The following DCLK2 variants were observed in gnomAD, a reference collection of about 807,000 sequenced individuals.
DCLK2 encodes doublecortin like kinase 2.
DCLK2 carries 31 observed loss-of-function variants against 78.4 expected under a neutral mutation model. The ratio of observed to expected loss-of-function variants is 0.40; its 90% CI spans 0.30 to 0.53. The LOEUF (loss-of-function observed/expected upper bound fraction) is 0.53, where lower values mean the gene tolerates loss of function less well. Among genes scored for constraint, DCLK2 ranks in the 20% least tolerant of loss-of-function variants. The probability of loss-of-function intolerance (pLI) is 0.61; values close to 1 mark genes in which losing one functional copy is unlikely to be tolerated. For synonymous variants in DCLK2, 407 were observed against 374.9 expected, an observed-to-expected ratio of 1.09 and a Z score of -0.99; for missense variants, 872 against 973.7, an observed-to-expected ratio of 0.90 and a Z score of 1.39.
chr4:150,132,478 T>G (rs1733386385), intron 2 of DCLK2, among the ~76,000 whole-genome samples: 1 of 152,174 alleles, frequency 6.6e-6, no homozygotes, highest in Admixed American at 6.5e-5. Flanking sequence ...GTACAGTTGA[T>G]TCTCACTATT....
intron 2 of DCLK2, among the ~76,000 whole-genome samples, chr4:150,157,868 A>T (rs1318058778): frequency 6.6e-6 from 1 of 152,128 alleles, no homozygotes; most frequent in Non-Finnish European, 1.5e-5. Flanking sequence ...AGCTCAAGTG[A>T]TCTGCCTGCC....
At chr4:150,089,656 ATGTT>A (rs564843096) in intron 1 of DCLK2, among the ~76,000 whole-genome samples, 14 of 152,244 alleles carry the variant, frequency 9.2e-5, no homozygotes, top group Non-Finnish European at 1.8e-4. Context: ...TGTCACTTAA[ATGTT>A]TGTAAATATA....
intron 2 of DCLK2, among the ~76,000 whole-genome samples, chr4:150,162,136 T>A (rs1735745410): frequency 1.3e-5 from 2 of 152,110 alleles, no homozygotes; most frequent in Admixed American, 1.3e-4. Context: ...GCTCAGATGA[T>A]CCTCCCACCT....
chr4:150,232,323 C>G lies in DCLK2; in HGVS notation c.1300-14C>G. 1.2e-6 allele frequency: 2 copies of G among 1,612,986 alleles called. No homozygotes were observed. The highest frequency in any genetic ancestry group is 1.3e-5 in the African/African-American group (1 of 75,016). The stretch of plus-strand genomic sequence containing the variant: ...GTGATTTCTGATCTCCTCTCTATAC[C>G]GTTCATTTGACAGGAACACCTGATT... On this transcript the variant is annotated splice_polypyrimidine_tract_variant and intron_variant, in intron 8 of 15. Coordinates refer to ENST00000296550, the MANE Select transcript of DCLK2 (RefSeq NM_001040260.4).
intron 12 of DCLK2, among the ~76,000 whole-genome samples, chr4:150,243,813 C>A (rs989329998): frequency 6.6e-6 from 1 of 151,310 alleles, no homozygotes; most frequent in African/African-American, 2.4e-5. Flanking sequence ...GGAATCCTCC[C>A]ACCTCAGCCT....
Position 150,232,374 on chromosome 4 carries a change from G to T in DCLK2, c.1337G>T (p.Arg446Leu), listed in dbSNP as rs772172177. Residue 446 changes from arginine (R) to leucine (L), a missense_variant, in exon 9 of 16, where the codon CGA (arginine) becomes CTA (leucine). Physicochemically the swap from Arg to Leu is moderately radical, Grantham distance 102. Around this residue, in one of 3 missense-constraint regions of DCLK2, gnomAD observed 567 missense variants for 593.4 expected, o/e 0.96. Transcript: ENST00000296550. ...LIENEVSILRRVKHPNIIMLV... is the reference protein window; with the variant it reads ...LIENEVSILRLVKHPNIIMLV... Reference sequence around the variant, plus strand: ...GAGAATGAAGTGTCAATACTGCGCCGAGTGAAACATCCCAATATCATTATG... The same window carrying T: ...GAGAATGAAGTGTCAATACTGCGCCTAGTGAAACATCCCAATATCATTATG... The T allele has an allele frequency of 2.5e-6, 4 of 1,614,130 alleles. No homozygotes were observed. Among genetic ancestry groups the T allele is most frequent in the Non-Finnish European group, 3.4e-6 (4 of 1,179,998 alleles).
At chr4:150,118,144 G>T (rs560556388) in intron 2 of DCLK2, among the ~76,000 whole-genome samples, 1 of 152,232 alleles carries the variant, frequency 6.6e-6, no homozygotes, top group African/African-American at 2.4e-5. Context: ...CAGGCTCTGG[G>T]AGAGGCTTCA....
intron 15 of DCLK2, 105 bp downstream of exon 15, chr4:150,249,789 G>T: frequency 2.2e-6 from 2 of 889,112 alleles, no homozygotes; most frequent in Non-Finnish European, 3.7e-6. Flanking sequence ...GCCTTCCGTA[G>T]TCCTATTTCA....
intron 2 of DCLK2, among the ~76,000 whole-genome samples, chr4:150,121,548 T>A (rs1580541362): frequency 1.3e-5 from 2 of 152,368 alleles, no homozygotes; most frequent in South Asian, 4.1e-4. Context: ...CTTCTTTTGC[T>A]GAAGTGTTAA....
intron 6 of DCLK2, 118 bp downstream of exon 6, chr4:150,220,896 ACCTGTCAGCC>A (rs1741138046): frequency 3.8e-6 from 3 of 780,074 alleles, no homozygotes; most frequent in Non-Finnish European, 6.3e-6. Flanking sequence ...TGATCACATC[ACCTGTCAGCC>A]CCTTTGGCCT....
intron 2 of DCLK2, among the ~76,000 whole-genome samples, chr4:150,154,642 A>G (rs1008288906): frequency 6.6e-6 from 1 of 152,198 alleles, no homozygotes; most frequent in Non-Finnish European, 1.5e-5. Context: ...AAGGAAGCTA[A>G]TGAACTATTT....
At chr4:150,176,605 A>C (rs1737110134) in intron 2 of DCLK2, among the ~76,000 whole-genome samples, 1 of 152,226 alleles carries the variant, frequency 6.6e-6, no homozygotes, top group Non-Finnish European at 1.5e-5. Flanking sequence ...CAGGGTATTC[A>C]TTCAGGTGCC....
chr4:150,209,030 C>T (rs1740092396), intron 5 of DCLK2, among the ~76,000 whole-genome samples: 1 of 152,192 alleles, frequency 6.6e-6, no homozygotes, highest in Non-Finnish European at 1.5e-5. Flanking sequence ...GTGTTGAGCC[C>T]ATGCTCATAA....
intron 5 of DCLK2, among the ~76,000 whole-genome samples, chr4:150,210,725 A>T (rs1740235938): frequency 6.6e-6 from 1 of 152,140 alleles, no homozygotes; most frequent in Non-Finnish European, 1.5e-5. Flanking sequence ...AGGTGGGTGG[A>T]TCACCTGAGG....
chr4:150,087,430 TTTTGAAA>T (rs1729725321), intron 1 of DCLK2, among the ~76,000 whole-genome samples: 1 of 152,238 alleles, frequency 6.6e-6, no homozygotes, highest in South Asian at 2.1e-4. Context: ...CTTTGTTAAC[TTTTGAAA>T]TAGCAATGTG....
At chr4:150,184,784 G>A (rs1166761332) in intron 2 of DCLK2, among the ~76,000 whole-genome samples, 1 of 151,916 alleles carries the variant, frequency 6.6e-6, no homozygotes, top group African/African-American at 2.4e-5. Flanking sequence ...TGTATTTTTA[G>A]TAGAGACGGG....
At chr4:150,166,807 G>A (rs1271302897) in intron 2 of DCLK2, among the ~76,000 whole-genome samples, 1 of 152,106 alleles carries the variant, frequency 6.6e-6, no homozygotes, top group Non-Finnish European at 1.5e-5. Flanking sequence ...GCTGATTGCT[G>A]GTCCTTTTCT....
intron 2 of DCLK2, among the ~76,000 whole-genome samples, chr4:150,105,732 A>G (rs1264265950): frequency 6.6e-6 from 1 of 152,116 alleles, no homozygotes; most frequent in African/African-American, 2.4e-5. Context: ...CATGGAATTC[A>G]TATGTACTGG....
intron 7 of DCLK2, among the ~76,000 whole-genome samples, chr4:150,223,013 A>G (rs1474884350): frequency 6.6e-6 from 1 of 152,138 alleles, no homozygotes; most frequent in Non-Finnish European, 1.5e-5. Context: ...CTAAGTGATA[A>G]TTTTTATCAT....
Sources: gnomAD v4.1 joint callset for allele counts (sites outside exome capture counted in the v4.1 genomes callset) on GRCh38, gnomAD v4.1.1 for gene constraint, gnomAD v4.1.1 regional missense constraint, MANE v1.5 for transcripts, NCBI Gene and HGNC (gene_info 2026-07-23, HGNC 2026-07-21) for gene names.